Variants in TG observed in about 807,000 individuals in gnomAD.
TG encodes the protein thyroglobulin.
TG carries 270 observed loss-of-function variants against 324.7 expected under a neutral mutation model. The ratio of observed to expected loss-of-function variants is 0.83; its 90% CI spans 0.75 to 0.92. TG has a LOEUF of 0.92. Ranked by LOEUF, TG falls within the 40% of genes least tolerant of loss-of-function variation. TG has a pLI of 0.00. For synonymous variants in TG, 1,401 were observed against 1,327.0 expected (o/e 1.06, Z -1.21); for missense variants, 3,591 against 3,456.4 (o/e 1.04, Z -0.98).
At chr8:132,919,777 C>T (rs761654301) in intron 21 of TG, among the ~76,000 whole-genome samples, 2 of 152,146 alleles carry the variant, frequency 1.3e-5, no homozygotes, top group Non-Finnish European at 2.9e-5. Context: ...GCAGGGAGAG[C>T]AAAATTGCCT....
chr8:133,080,490 C>T (rs1172731377), intron 41 of TG, among the ~76,000 whole-genome samples: 4 of 152,122 alleles, frequency 2.6e-5, no homozygotes, highest in Admixed American at 2.0e-4. Flanking sequence ...CACCTCTCCC[C>T]GCCAATGCTC....
chr8:133,019,006 T>A (rs1342689564), intron 38 of TG, among the ~76,000 whole-genome samples: 1 of 152,250 alleles, frequency 6.6e-6, no homozygotes, highest in Non-Finnish European at 1.5e-5. Context: ...CATGTTAGGA[T>A]GTACCCATTT....
At chr8:133,033,507 A>T (rs1244195115) in intron 41 of TG, among the ~76,000 whole-genome samples, 1 of 152,200 alleles carries the variant, frequency 6.6e-6, no homozygotes, top group Non-Finnish European at 1.5e-5. Context: ...CCAAGTCTGC[A>T]TTCCTCAGGG....
intron 41 of TG, among the ~76,000 whole-genome samples, chr8:133,068,727 G>A (rs1205006860): frequency 6.6e-6 from 1 of 152,230 alleles, no homozygotes; most frequent in East Asian, 1.9e-4. Context: ...TCTGGCATAC[G>A]GAGGCGGGCA....
intron 45 of TG, among the ~76,000 whole-genome samples, chr8:133,121,522 A>G (rs1345615080): frequency 6.6e-6 from 1 of 152,236 alleles, no homozygotes; most frequent in Non-Finnish European, 1.5e-5. Flanking sequence ...GAAACATTTT[A>G]TAGTAGCGGT....
chr8:133,074,620 T>A lies in TG; in HGVS notation c.7240-20424T>A, dbSNP rs2739156. ...GGCGAGAATGTCTCCTCTGGCAGCA[T>A]CCTGCCCCTGCTCCTCCAGCCCTTC... is the stretch of plus-strand genomic sequence containing the variant. On this transcript the variant is annotated intron_variant, in intron 41 of 47. Coordinates refer to ENST00000220616, the MANE Select transcript of TG (RefSeq NM_003235.5). 0.24 allele frequency among the ~76,000 whole-genome samples: 37,233 copies of A among 152,150 alleles called. 5,450 individuals carry two copies. Among genetic ancestry groups the A allele is most frequent in the East Asian group, 0.54 (2,798 of 5,162 alleles).
chr8:133,129,295 C>A (rs887534667), intron 45 of TG, among the ~76,000 whole-genome samples: 1 of 152,240 alleles, frequency 6.6e-6, no homozygotes, highest in Non-Finnish European at 1.5e-5. Flanking sequence ...CAAAGCAGTG[C>A]TCTGTGGCCT....
rs1455309684 is a variant in TG, at chr8:132,886,643, C to T, written c.1271C>T (p.Pro424Leu). The change falls in exon 9 of 48, where the codon CCA becomes CTA. Residue 424 changes from proline to leucine, a missense_variant. Transcript: ENST00000220616. ...ELFVDSGLLR[P>L]MVEGQSQQFS... ...TTTGTGGACTCTGGGCTTCTCCGCC[C>T]AATGGTGGAGGGACAGAGCCAACAG... 2 of 1,614,172 alleles carry T rather than the reference C, an allele frequency of 1.2e-6. No individual in the cohort carries two copies. Among genetic ancestry groups the T allele is most frequent in the Admixed American group, 1.7e-5 (1 of 60,022 alleles).
At position 132,972,571 on chromosome 8, in the gene TG, T is replaced by TTG; in HGVS notation, c.6056-26_6056-25insGT. ...TTGTACTCAGTTTCCTGATTGTGGT[T>TTG]TTTTGTTTTTTTTTTTTCCACCCCA... On this transcript the variant is annotated intron_variant, in intron 33 of 47. Coordinates refer to ENST00000220616, the MANE Select transcript of TG (RefSeq NM_003235.5). 4 of 1,566,018 alleles carry TTG rather than the reference T, an allele frequency of 2.6e-6. 1 individual carries two copies. Among genetic ancestry groups the TTG allele is most frequent in the South Asian group, 2.2e-5 (2 of 89,000 alleles).
chr8:132,947,965 T>C (rs564211136), intron 26 of TG, among the ~76,000 whole-genome samples: 3 of 152,310 alleles, frequency 2.0e-5, no homozygotes, highest in African/African-American at 7.2e-5. Context: ...TCATAATTTT[T>C]GGGTAGCTTT....
intron 41 of TG, chr8:133,038,227 T>A (rs1408510715): frequency 4.9e-6 from 2 of 405,992 alleles, no homozygotes; most frequent in Non-Finnish European, 9.1e-6. Flanking sequence ...AGAGTGGCTT[T>A]GTCCTTCCCA....
At position 133,113,320 on chromosome 8, in the gene TG, A is replaced by T. The variant is rs1357952727; in HGVS notation, c.7573-102A>T. On this transcript the variant is annotated intron_variant, in intron 43 of 47. Coordinates refer to ENST00000220616, the MANE Select transcript of TG (RefSeq NM_003235.5). Reference sequence around the variant, plus strand: ...CCACTTGTGTTTAATGCCATGCCCCACTGCTTCCCAGAGAGAAAATTCTAG... The same window carrying T: ...CCACTTGTGTTTAATGCCATGCCCCTCTGCTTCCCAGAGAGAAAATTCTAG... 2.2e-6 allele frequency: 3 copies of T among 1,379,548 alleles called. No homozygotes were observed. The African/African-American group carries it at 4.3e-5, about 20-fold the overall frequency. 85.5% of individuals were successfully genotyped at this position (1,379,548 alleles called of 1,614,324 possible).
chr8:132,949,140 C>T (rs1825759480), intron 27 of TG, among the ~76,000 whole-genome samples, 197 bp downstream of exon 27: 1 of 152,108 alleles, frequency 6.6e-6, no homozygotes, highest in Non-Finnish European at 1.5e-5. Flanking sequence ...ATCCATTTAG[C>T]TCCTCAGATT....
chr8:132,993,821 A>G (rs944878751), intron 35 of TG, among the ~76,000 whole-genome samples: 1 of 152,228 alleles, frequency 6.6e-6, no homozygotes, highest in Admixed American at 6.5e-5. Flanking sequence ...TTTAAAGGAT[A>G]TGGAGCCAAG....
intron 29 of TG, 95 bp downstream of exon 29, chr8:132,963,169 C>T: frequency 9.1e-7 from 1 of 1,104,218 alleles, no homozygotes; most frequent in Non-Finnish European, 1.4e-6. Context: ...GACGTATTGA[C>T]ATCACTCTAT....
chr8:132,949,825 G>A (rs1475407359), intron 27 of TG, among the ~76,000 whole-genome samples: 1 of 152,118 alleles, frequency 6.6e-6, no homozygotes, highest in Non-Finnish European at 1.5e-5. Flanking sequence ...AGTGCCTGAG[G>A]CCCCCCAGCC....
chr8:132,931,427 T>C (rs1352273142), intron 23 of TG, among the ~76,000 whole-genome samples: 1 of 151,838 alleles, frequency 6.6e-6, no homozygotes, highest in Non-Finnish European at 1.5e-5. Context: ...ATTTAAGGGG[T>C]AGGAAAATAA....
Position 132,941,438 on chromosome 8 carries a change from T to A in TG, c.5129T>A (p.Phe1710Tyr). 6.2e-7 allele frequency: 1 copy of A among 1,614,238 alleles called. No individual in the cohort carries two copies. Among genetic ancestry groups the A allele is most frequent in the Middle Eastern group, 1.6e-4 (1 of 6,062 alleles). Residue 1710 changes from phenylalanine (F) to tyrosine (Y), a missense_variant, in exon 26 of 48, where the codon TTC becomes TAC. Transcript: ENST00000220616. ...TCTGGATTGTACAACCCCATTGTGT[T>A]CTCAGCCTCAGGAGCCAATCTAACC... ...MLSGLYNPIV[F>Y]SASGANLTDA...
chr8:132,995,013 T>C, intron 35 of TG: 3 of 968,886 alleles, frequency 3.1e-6, no homozygotes, highest in South Asian at 1.0e-4. Context: ...GGCTCAGTTA[T>C]GCTGTAGCGT....
Sources: allele counts gnomAD v4.1 joint callset (sites outside exome capture counted in the v4.1 genomes callset), GRCh38; gene constraint gnomAD v4.1.1; transcripts MANE v1.5; gene names NCBI Gene and HGNC (gene_info 2026-07-23, HGNC 2026-07-21).